Variants in CAMKMT observed in about 807,000 individuals in gnomAD.
CAMKMT encodes CaM KMT.
In CAMKMT, 53 loss-of-function variants were observed where a neutral mutation model predicts 48.0. That is an observed-to-expected ratio of 1.10 (90% confidence interval 0.89 to 1.39). CAMKMT has a LOEUF of 1.39. CAMKMT is among the 40% of genes most tolerant of loss of function. The pLI is 0.00. For missense variants in CAMKMT, 428 were observed against 402.7 expected, an observed-to-expected ratio of 1.06 and a Z score of -0.54; for synonymous variants, 165 against 152.3, an observed-to-expected ratio of 1.08 and a Z score of -0.61.
intron 3 of CAMKMT, among the ~76,000 whole-genome samples, chr2:44,475,822 C>A (rs1668659480): frequency 6.6e-6 from 1 of 152,170 alleles, no homozygotes; most frequent in African/African-American, 2.4e-5. Flanking sequence ...ACGAACAGGA[C>A]CCTTCAAATC....
At chr2:44,424,095 A>G (rs1484965443) in intron 3 of CAMKMT, among the ~76,000 whole-genome samples, 1 of 152,198 alleles carries the variant, frequency 6.6e-6, no homozygotes, top group African/African-American at 2.4e-5. Flanking sequence ...TATATTTTCC[A>G]TCTTACACAG....
intron 3 of CAMKMT, among the ~76,000 whole-genome samples, chr2:44,689,264 TTTTATTTATTTATTTATTTA>T (rs148599125): frequency 1.5e-5 from 2 of 136,208 alleles, no homozygotes; most frequent in African/African-American, 2.8e-5. Flanking sequence ...CAGCACTATT[TTTTATTTATTTATTTATTTA>T]TTTATTTATT....
rs1679799724 is a variant in CAMKMT at position 44,743,689 on chromosome 2, G to A, written c.691G>A (p.Ala231Thr). ...AGGACATTTTGACATTGTTATGTGT[G>A]CTGACTGGTAAGTACATAAAAATCA... Reference protein sequence around the residue: ...LEGHFDIVMCADCLFLDQYRA... With the variant: ...LEGHFDIVMCTDCLFLDQYRA... The change falls in exon 8 of 11, where the codon GCT (alanine) becomes ACT (threonine). Residue 231 changes from alanine to threonine, a missense_variant. Transcript: ENST00000378494. 6.2e-7 allele frequency: 1 copy of A among 1,610,498 alleles called. No homozygotes were observed. The highest frequency in any genetic ancestry group is 8.5e-7 in the Non-Finnish European group (1 of 1,177,200).
chr2:44,707,385 C>CTTTTTTT lies in CAMKMT; in HGVS notation c.493-10_493-4dup. On this transcript the variant is annotated splice_polypyrimidine_tract_variant and intron_variant, in intron 5 of 10. Transcript: ENST00000378494. ...ATTTGCTCATTGTTTGCTGTGCTCC[C>CTTTTTTT]TTTTTTTTTTCAGGTTGCTATTTCT... 1 of 1,380,394 alleles carries CTTTTTTT rather than the reference C, an allele frequency of 7.2e-7. No homozygotes were observed. The highest frequency in any genetic ancestry group is 9.9e-7 in the Non-Finnish European group (1 of 1,008,318). 85.5% of individuals were successfully genotyped at this position (1,380,394 alleles called of 1,614,324 possible).
intron 3 of CAMKMT, among the ~76,000 whole-genome samples, chr2:44,410,383 G>A (rs924917373): frequency 2.1e-5 from 3 of 145,368 alleles, no homozygotes; most frequent in Non-Finnish European, 4.5e-5. Context: ...TCAGCCTCCC[G>A]AGTAGCTGGG....
At chr2:44,551,110 G>A (rs183564775) in intron 3 of CAMKMT, among the ~76,000 whole-genome samples, 2 of 132,902 alleles carry the variant, frequency 1.5e-5, no homozygotes, top group African/African-American at 5.0e-5. Flanking sequence ...GGTAGAGTAC[G>A]TGGCAGTAAT....
chr2:44,705,957 T>C (rs1386578547), intron 4 of CAMKMT, among the ~76,000 whole-genome samples: 1 of 152,214 alleles, frequency 6.6e-6, no homozygotes, highest in Non-Finnish European at 1.5e-5. Context: ...AACACTTCTC[T>C]TTCGCTACTC....
intron 9 of CAMKMT, among the ~76,000 whole-genome samples, chr2:44,764,916 T>A (rs551531736): frequency 1.3e-5 from 2 of 152,130 alleles, no homozygotes; most frequent in East Asian, 3.9e-4. Context: ...ACCTACAACA[T>A]AGGGTGGTTT....
Position 44,524,763 on chromosome 2 carries a change from G to A in CAMKMT, c.376+134458G>A, listed in dbSNP as rs189207291. Among the ~76,000 whole-genome samples the A allele has an allele frequency of 3.0e-3, 459 of 152,286 alleles. 2 individuals carry two copies. Among genetic ancestry groups the A allele is most frequent in the African/African-American group, 0.011 (443 of 41,572 alleles). The stretch of plus-strand genomic sequence containing the variant: ...GTATGTCACAATAACTGGGACTCCT[G>A]ATGGGCAAAGGCCATGTCCTGTTCA... On this transcript the variant is annotated intron_variant, in intron 3 of 10. Transcript: ENST00000378494.
chr2:44,665,389 G>A (rs1465321082), intron 3 of CAMKMT, among the ~76,000 whole-genome samples: 1 of 152,128 alleles, frequency 6.6e-6, no homozygotes, highest in Non-Finnish European at 1.5e-5. Context: ...GTTTTAACGT[G>A]CAGCCATGGG....
intron 3 of CAMKMT, among the ~76,000 whole-genome samples, chr2:44,390,610 C>T (rs1262292073): frequency 6.6e-6 from 1 of 151,800 alleles, no homozygotes; most frequent in South Asian, 2.1e-4. Flanking sequence ...AGTACTGTCC[C>T]TTTTATTTTT....
intron 2 of CAMKMT, among the ~76,000 whole-genome samples, chr2:44,379,983 A>G (rs1229755121): frequency 6.6e-6 from 1 of 152,088 alleles, no homozygotes; most frequent in African/African-American, 2.4e-5. Context: ...TTTAATTTTG[A>G]TGAGGTGTAA....
chr2:44,471,180 G>A (rs1323879142), intron 3 of CAMKMT, among the ~76,000 whole-genome samples: 2 of 151,728 alleles, frequency 1.3e-5, no homozygotes, highest in Admixed American at 6.6e-5. Context: ...TAGTAGAGAC[G>A]GGGTTTCACC....
chr2:44,486,664 T>C (rs1669232725), intron 3 of CAMKMT, among the ~76,000 whole-genome samples: 1 of 152,224 alleles, frequency 6.6e-6, no homozygotes, highest in Admixed American at 6.5e-5. Context: ...GTCAGAGAGC[T>C]GAAAGCCATT....
intron 3 of CAMKMT, among the ~76,000 whole-genome samples, chr2:44,591,979 C>G (rs376923092): frequency 6.6e-6 from 1 of 151,358 alleles, no homozygotes; most frequent in African/African-American, 2.4e-5. Flanking sequence ...AACCAAACAC[C>G]GCATATTCTC....
intron 3 of CAMKMT, among the ~76,000 whole-genome samples, chr2:44,663,112 T>C (rs1674764911): frequency 6.6e-6 from 1 of 152,198 alleles, no homozygotes; most frequent in Non-Finnish European, 1.5e-5. Flanking sequence ...CATGGTATAA[T>C]TATAAAATCA....
chr2:44,591,695 C>A (rs550154838), intron 3 of CAMKMT, among the ~76,000 whole-genome samples: 1 of 151,736 alleles, frequency 6.6e-6, no homozygotes, highest in South Asian at 2.1e-4. Context: ...CCATTTGACC[C>A]AGCCATCCCA....
intron 3 of CAMKMT, among the ~76,000 whole-genome samples, chr2:44,576,546 A>G (rs1351713398): frequency 6.6e-6 from 1 of 152,168 alleles, no homozygotes; most frequent in Admixed American, 6.5e-5. Flanking sequence ...ATTTGTTGTA[A>G]TAAAAGCAGC....
chr2:44,448,640 A>T (rs1021394683), intron 3 of CAMKMT, among the ~76,000 whole-genome samples: 2 of 152,200 alleles, frequency 1.3e-5, no homozygotes, highest in African/African-American at 4.8e-5. Context: ...CCAACTAAGA[A>T]CACACGTGTA....
Sources: allele counts gnomAD v4.1 joint callset (sites outside exome capture counted in the v4.1 genomes callset), GRCh38; gene constraint gnomAD v4.1.1; transcripts MANE v1.5; gene names NCBI Gene and HGNC (gene_info 2026-07-23, HGNC 2026-07-21).